The following PPP2R2C variants were observed in gnomAD, a reference collection of about 807,000 sequenced individuals.
PPP2R2C encodes protein phosphatase 2 regulatory subunit Bgamma, also known as protein phosphatase 2, regulatory subunit B, gamma.
A neutral mutation model predicts 45.3 loss-of-function variants in PPP2R2C; 10 were observed. That is an observed-to-expected ratio of 0.22 (90% confidence interval 0.14 to 0.37). The LOEUF (loss-of-function observed/expected upper bound fraction) is 0.37. Among genes scored for constraint, PPP2R2C ranks in the 10% least tolerant of loss-of-function variants. The pLI is 1.00. For synonymous variants in PPP2R2C, 257 were observed against 245.4 expected, an observed-to-expected ratio of 1.05 and a Z score of -0.44; for missense variants, 308 against 619.7, an observed-to-expected ratio of 0.50 and a Z score of 5.34.
rs1732348857 is a variant in PPP2R2C, at chr4:6,330,786, TGGGA to T, written c.961-1437_961-1434del. 6.6e-6 allele frequency among the ~76,000 whole-genome samples: 1 copy of T among 152,090 alleles called. No individual in the cohort carries two copies. The highest frequency in any genetic ancestry group is 2.4e-5 in the African/African-American group (1 of 41,406). The stretch of plus-strand genomic sequence containing the variant: ...AGAGTGGCACTAGGGGAAGCAGGAT[TGGGA>T]GGAAGGGCCTGCTATTCACTGCACA... On this transcript the variant is annotated intron_variant, in intron 7 of 8. Coordinates refer to ENST00000382599, the MANE Select transcript of PPP2R2C (RefSeq NM_020416.4). The surrounding 1 kb of genome is among the most constrained non-coding windows in gnomAD (Gnocchi z 7.0).
At chr4:6,478,995 A>C (rs10003308) in intron 2 of PPP2R2C, among the ~76,000 whole-genome samples, 119,022 of 152,162 alleles carry the variant, frequency 0.78, 47,661 homozygotes, top group East Asian at 1. Context: ...GAGGGCACTG[A>C]GGGTCACATG....
At chr4:6,561,349 G>A (rs1424228495) in intron 1 of PPP2R2C, among the ~76,000 whole-genome samples, 2 of 152,180 alleles carry the variant, frequency 1.3e-5, no homozygotes, top group Admixed American at 1.3e-4. Context: ...GGCGGAGAGA[G>A]AGTGCAGGAG....
chr4:6,432,399 C>T (rs1000896300), intron 1 of PPP2R2C, among the ~76,000 whole-genome samples: 1 of 152,166 alleles, frequency 6.6e-6, no homozygotes, highest in African/African-American at 2.4e-5. Context: ...AGTGTTGTAC[C>T]CACATCCTCA....
chr4:6,452,162 A>T lies in PPP2R2C; in HGVS notation c.70+19998T>A, dbSNP rs567424473. Reference sequence around the variant, plus strand: ...GCCTGGACAGGAAGCAGGAGGGACCAACTGCCTTCTGCTTGTCAAATGTTG... The same window carrying T: ...GCCTGGACAGGAAGCAGGAGGGACCTACTGCCTTCTGCTTGTCAAATGTTG... On this transcript the variant is annotated intron_variant, in intron 1 of 8. Transcript: ENST00000382599. 9.0e-4 allele frequency among the ~76,000 whole-genome samples: 137 copies of T among 152,248 alleles called. 1 individual carries two copies. The highest frequency in any genetic ancestry group is 3.1e-3 in the African/African-American group (129 of 41,526).
At chr4:6,347,812 GCACAGC>G in intron 6 of PPP2R2C, 28 bp downstream of exon 6, 1 of 1,110,550 alleles carries the variant, frequency 9.0e-7, no homozygotes, top group Non-Finnish European at 1.3e-6. Flanking sequence ...CCTGCCCAAT[GCACAGC>G]CCCCCACCCC....
intron 2 of PPP2R2C, among the ~76,000 whole-genome samples, chr4:6,487,851 C>A (rs928906558): frequency 1.3e-5 from 2 of 152,108 alleles, no homozygotes; most frequent in African/African-American, 4.8e-5. Context: ...ACATATATTA[C>A]GCCTCTTAAA....
chr4:6,361,419 C>T (rs868123991), intron 5 of PPP2R2C, among the ~76,000 whole-genome samples: 1 of 152,206 alleles, frequency 6.6e-6, no homozygotes, highest in South Asian at 2.1e-4. Flanking sequence ...AAAGTCCAGC[C>T]CCACTGCCTA....
At position 6,328,661 on chromosome 4, in the gene PPP2R2C, G is replaced by C. The variant is rs1026015075; in HGVS notation, c.1052+601C>G. On this transcript the variant is annotated intron_variant, in intron 8 of 8. Transcript: ENST00000382599. This position sits in a 1 kb window ranked among gnomAD's most constrained non-coding sequence, Gnocchi z 4.4. ...CTGAGCCCAGGCTAGGGAGACACAG[G>C]AACTCACTTCTGGCACTGGGGCGCC... 6.6e-6 allele frequency among the ~76,000 whole-genome samples: 1 copy of C among 152,208 alleles called. No homozygotes were observed. Among genetic ancestry groups the C allele is most frequent in the African/African-American group, 2.4e-5 (1 of 41,462 alleles).
intron 1 of PPP2R2C, among the ~76,000 whole-genome samples, chr4:6,428,013 G>A (rs1264794114): frequency 6.6e-6 from 1 of 152,184 alleles, no homozygotes. Flanking sequence ...CAGCTGGGGT[G>A]CCAGGATTTG....
chr4:6,400,277 T>C (rs1000841345), intron 1 of PPP2R2C, among the ~76,000 whole-genome samples: 1 of 152,260 alleles, frequency 6.6e-6, no homozygotes, highest in African/African-American at 2.4e-5. Context: ...CCATCATCTA[T>C]TAAGCTAGAG....
intron 2 of PPP2R2C, among the ~76,000 whole-genome samples, chr4:6,490,695 C>T (rs1295195490): frequency 2.6e-5 from 4 of 152,122 alleles, no homozygotes; most frequent in Admixed American, 6.6e-5. Flanking sequence ...CCAGGGAGAG[C>T]GGACGCATCA....
At chr4:6,446,636 G>A (rs921058460) in intron 1 of PPP2R2C, among the ~76,000 whole-genome samples, 32 of 152,214 alleles carry the variant, frequency 2.1e-4, no homozygotes, top group African/African-American at 7.5e-4. Context: ...CCTGGGGCAC[G>A]TCTGCAGGCC....
intron 1 of PPP2R2C, chr4:6,382,176 A>G: frequency 8.3e-7 from 1 of 1,198,238 alleles, no homozygotes; most frequent in Non-Finnish European, 1.1e-6. Context: ...ATGTCTTGGA[A>G]GATGGAAAGT....
intron 1 of PPP2R2C, among the ~76,000 whole-genome samples, chr4:6,448,587 C>T (rs994758348): frequency 2.6e-5 from 4 of 152,242 alleles, no homozygotes; most frequent in African/African-American, 7.2e-5. Flanking sequence ...TCTCTCCCTC[C>T]GTCTCAGGGC....
chr4:6,410,484 G>T (rs1329435508), intron 1 of PPP2R2C, among the ~76,000 whole-genome samples: 1 of 152,178 alleles, frequency 6.6e-6, no homozygotes, highest in East Asian at 1.9e-4. Context: ...TGAGGTCTGG[G>T]ATTTCAGTTC....
intron 2 of PPP2R2C, chr4:6,535,147 A>G: frequency 8.8e-7 from 1 of 1,141,082 alleles, no homozygotes; most frequent in East Asian, 2.6e-5. Context: ...GAGGGACCGG[A>G]TCCCAGCACG....
chr4:6,457,369 T>A (rs7375187), intron 1 of PPP2R2C, among the ~76,000 whole-genome samples: 94,065 of 151,750 alleles, frequency 0.62, 30,699 homozygotes, highest in East Asian at 0.8. Context: ...GGGAATGCAC[T>A]GGGAATTTTT....
chr4:6,462,664 T>G (rs1037041755), intron 1 of PPP2R2C, among the ~76,000 whole-genome samples: 1 of 152,112 alleles, frequency 6.6e-6, no homozygotes, highest in Non-Finnish European at 1.5e-5. Context: ...GGGACGTTCA[T>G]AAAATGGACC....
chr4:6,427,396 G>A (rs1436551049), intron 1 of PPP2R2C, among the ~76,000 whole-genome samples: 2 of 152,182 alleles, frequency 1.3e-5, no homozygotes, highest in East Asian at 3.8e-4. Context: ...CCAGGCCAGA[G>A]GCTCCCACGT....
Sources: allele counts gnomAD v4.1 joint callset (sites outside exome capture counted in the v4.1 genomes callset), GRCh38; gene constraint gnomAD v4.1.1; non-coding constraint Gnocchi (gnomAD v3.1); transcripts MANE v1.5; gene names NCBI Gene and HGNC (gene_info 2026-07-23, HGNC 2026-07-21).